The following TRAPPC11 variants were observed in gnomAD, a reference collection of about 807,000 sequenced individuals.
TRAPPC11 encodes the protein foie gras homolog.
A neutral mutation model predicts 151.2 loss-of-function variants in TRAPPC11; 104 were observed. That is an observed-to-expected ratio of 0.69 (90% CI 0.59 to 0.81). The LOEUF is 0.81. TRAPPC11 is among the 30% of genes least tolerant of loss of function. TRAPPC11 has a pLI of 0.00. For synonymous variants in TRAPPC11, 456 were observed against 472.3 expected, an observed-to-expected ratio of 0.97 and a Z score of 0.45; for missense variants, 1,230 against 1,349.6, an observed-to-expected ratio of 0.91 and a Z score of 1.39.
intron 1 of TRAPPC11, among the ~76,000 whole-genome samples, chr4:183,662,766 A>G (rs1373865070): frequency 1.3e-5 from 2 of 151,940 alleles, no homozygotes; most frequent in Admixed American, 6.6e-5. Context: ...TTTTCTTTCA[A>G]TATATTTTTC....
chr4:183,672,049 C>T (rs1735182260), intron 5 of TRAPPC11, among the ~76,000 whole-genome samples: 1 of 152,188 alleles, frequency 6.6e-6, no homozygotes, highest in Non-Finnish European at 1.5e-5. Context: ...CAGGTTCCTA[C>T]CTTCATAAAG....
Position 183,705,073 on chromosome 4 carries a change from A to G in TRAPPC11, c.3055+3A>G. 1 of 1,573,782 alleles carries G rather than the reference A, an allele frequency of 6.4e-7. No individual in the cohort carries two copies. Among genetic ancestry groups the G allele is most frequent in the Non-Finnish European group, 8.7e-7 (1 of 1,150,302 alleles). ...TATCCCTCTCCATGTGAATGCAGGT[A>G]GCGGAATTCAAATTTTACTTGATAA... On this transcript the variant is annotated splice_donor_region_variant and intron_variant, in intron 27 of 29. Transcript: ENST00000334690.
At position 183,660,753 on chromosome 4, in the gene TRAPPC11, G is replaced by A. The variant is rs1399388851; in HGVS notation, c.-22+1306G>A. ...TGTTGAGACGGAGTCTTGCTCTGTTGCCCAGGCTGGAGTGCAGTGGTGCGA... is the reference window on the plus strand; with the variant it reads ...TGTTGAGACGGAGTCTTGCTCTGTTACCCAGGCTGGAGTGCAGTGGTGCGA... On this transcript the variant is annotated intron_variant, in intron 1 of 29. Coordinates refer to ENST00000334690, the MANE Select transcript of TRAPPC11 (RefSeq NM_021942.6). Among the ~76,000 whole-genome samples, 4 of 152,060 alleles carry A rather than the reference G, an allele frequency of 2.6e-5. No individual in the cohort carries two copies. The East Asian group carries it at 7.8e-4, about 29-fold the overall frequency.
chr4:183,709,406 A>T (rs1050189898), intron 29 of TRAPPC11, among the ~76,000 whole-genome samples: 1 of 152,098 alleles, frequency 6.6e-6, no homozygotes, highest in African/African-American at 2.4e-5. Context: ...ATATTTCCAG[A>T]CTTTTATACA....
At chr4:183,666,149 G>T in intron 2 of TRAPPC11, 108 bp from the exon 3 acceptor site, 1 of 917,974 alleles carries the variant, frequency 1.1e-6, no homozygotes. Context: ...TCAAAAATGG[G>T]AGGTGTGTAT....
At chr4:183,662,347 T>TC (rs965598107) in intron 1 of TRAPPC11, among the ~76,000 whole-genome samples, 1 of 108,818 alleles carries the variant, frequency 9.2e-6, no homozygotes, top group African/African-American at 3.9e-5. Context: ...AGAGTGATAC[T>TC]CCGTCTCAAA....
At chr4:183,669,035 A>G (rs939594680) in intron 5 of TRAPPC11, among the ~76,000 whole-genome samples, 1 of 152,216 alleles carries the variant, frequency 6.6e-6, no homozygotes, top group Non-Finnish European at 1.5e-5. Flanking sequence ...CTGGTATATA[A>G]AAGACCAGGC....
chr4:183,710,522 G>C (rs181225599), intron 29 of TRAPPC11, among the ~76,000 whole-genome samples: 1 of 151,026 alleles, frequency 6.6e-6, no homozygotes, highest in African/African-American at 2.4e-5. Flanking sequence ...TCCTGACCTC[G>C]TGATCCTCCC....
rs1047475306 is a variant in TRAPPC11, at chr4:183,701,864, T to C, written c.2963+56T>C. The C allele has an allele frequency of 2.6e-6, 3 of 1,135,872 alleles. No individual in the cohort carries two copies. In the African/African-American group the frequency reaches 4.6e-5, roughly 17 times the overall value. 70.4% of individuals were successfully genotyped at this position (1,135,872 alleles called of 1,614,324 possible). ...CAATGTCTCTGTTATTCTCATACCT[T>C]TATTATTCATCTTTGTCACTTAATA... On this transcript the variant is annotated intron_variant, in intron 26 of 29. Coordinates refer to ENST00000334690, the MANE Select transcript of TRAPPC11 (RefSeq NM_021942.6).
intron 19 of TRAPPC11, 58 bp from the exon 20 acceptor site, chr4:183,692,902 G>GAGAT (rs1736324525): frequency 6.7e-7 from 1 of 1,483,498 alleles, no homozygotes; most frequent in Non-Finnish European, 9.1e-7. Context: ...TTGGTGAGAG[G>GAGAT]AGATGGTGAC....
chr4:183,666,878 T>C, intron 3 of TRAPPC11, 182 bp from the exon 4 acceptor site: 1 of 511,170 alleles, frequency 2.0e-6, no homozygotes, highest in Non-Finnish European at 3.5e-6. Flanking sequence ...AGATCATACT[T>C]TTAGAATTTA....
intron 5 of TRAPPC11, among the ~76,000 whole-genome samples, chr4:183,670,382 T>C (rs1735094017): frequency 6.6e-6 from 1 of 152,216 alleles, no homozygotes; most frequent in Admixed American, 6.5e-5. Context: ...TTTTTTCTTT[T>C]ATTAAAAAGT....
Position 183,697,695 on chromosome 4 carries a change from G to A in TRAPPC11, c.2711G>A (p.Arg904Lys), listed in dbSNP as rs1298207809. The change falls in exon 25 of 30, where the codon AGG (arginine) becomes AAG (lysine). Residue 904 changes from arginine to lysine, a missense_variant. Arg to Lys is a conservative substitution (Grantham distance 26). Transcript: ENST00000334690. ...TTGTGACAGTTTGAGCACCTGGAAA[G>A]GGTTTATGCTGACATCCCCTTTCTG... Reference protein sequence around the residue: ...FVSTKFEHLERVYADIPFLLM... With the variant: ...FVSTKFEHLEKVYADIPFLLM... 1.2e-6 allele frequency: 2 copies of A among 1,614,030 alleles called. No individual in the cohort carries two copies. The highest frequency in any genetic ancestry group is 2.7e-5 in the African/African-American group (2 of 74,916).
At chr4:183,681,132 G>GTA (rs919484203) in intron 10 of TRAPPC11, among the ~76,000 whole-genome samples, 6 of 150,974 alleles carry the variant, frequency 4.0e-5, no homozygotes, top group South Asian at 4.2e-4. Context: ...TAAGAACGTG[G>GTA]TATATATATA....
At chr4:183,699,557 A>G (rs1024391471) in intron 25 of TRAPPC11, among the ~76,000 whole-genome samples, 8 of 152,224 alleles carry the variant, frequency 5.3e-5, no homozygotes, top group Non-Finnish European at 1.0e-4. Flanking sequence ...AACTTCTAGT[A>G]TATTAGTTTC....
At chr4:183,663,616 G>C (rs2111288070) in intron 1 of TRAPPC11, among the ~76,000 whole-genome samples, 1 of 152,002 alleles carries the variant, frequency 6.6e-6, no homozygotes, top group South Asian at 2.1e-4. Flanking sequence ...TGATCCACCT[G>C]CTTCGGCCTC....
Position 183,679,350 on chromosome 4 carries a change from C to T in TRAPPC11, c.832-3C>T. ...ATTTTGGGATCAATTTTACATTTTG[C>T]AGATCTGTAGGCTGTGTTTTCAACA... On this transcript the variant is annotated splice_region_variant and splice_polypyrimidine_tract_variant and intron_variant, in intron 8 of 29. Coordinates refer to ENST00000334690, the MANE Select transcript of TRAPPC11 (RefSeq NM_021942.6). The T allele has an allele frequency of 6.4e-7, 1 of 1,569,446 alleles. No individual in the cohort carries two copies.
chr4:183,682,518 AATCAGATTG>A lies in TRAPPC11; in HGVS notation c.1114-211_1114-203del, dbSNP rs1482080585. Among the ~76,000 whole-genome samples, 72 of 152,328 alleles carry A rather than the reference AATCAGATTG, an allele frequency of 4.7e-4. 1 individual carries two copies. The highest frequency in any genetic ancestry group is 1.7e-3 in the African/African-American group (70 of 41,588). ...AAATTACTGTGAAATCATTTGTCAG[AATCAGATTG>A]ATTTTTATGAGACTACCTAAATATG... On this transcript the variant is annotated intron_variant, in intron 10 of 29. Transcript: ENST00000334690.
intron 17 of TRAPPC11, among the ~76,000 whole-genome samples, chr4:183,686,320 A>G (rs935952579): frequency 7.9e-5 from 12 of 152,004 alleles, no homozygotes; most frequent in South Asian, 2.1e-4. Flanking sequence ...TATTTTTAGT[A>G]TAGATAAGGT....
Sources: gnomAD v4.1 joint callset for allele counts (sites outside exome capture counted in the v4.1 genomes callset) on GRCh38, gnomAD v4.1.1 for gene constraint, MANE v1.5 for transcripts, NCBI Gene and HGNC (gene_info 2026-07-23, HGNC 2026-07-21) for gene names.